The following VEPH1 variants were observed in gnomAD, a reference collection of about 807,000 sequenced individuals.
VEPH1 encodes ventricular zone-expressed PH domain-containing protein homolog 1.
Under a neutral mutation model 85.2 loss-of-function variants are expected in VEPH1, and 80 were observed. The ratio of observed to expected loss-of-function variants is 0.94; its 90% confidence interval spans 0.78 to 1.13. The LOEUF is 1.13. Ranked by LOEUF, VEPH1 falls within the 50% of genes most tolerant of loss-of-function variation. The probability of loss-of-function intolerance (pLI) is 0.00; values close to 1 mark genes in which losing one functional copy is unlikely to be tolerated. For missense variants in VEPH1, 955 were observed against 980.5 expected, an observed-to-expected ratio of 0.97 and a Z score of 0.35; for synonymous variants, 297 against 348.0, an observed-to-expected ratio of 0.85 and a Z score of 1.63.
At chr3:157,343,659 C>T (rs1723860939) in intron 9 of VEPH1, among the ~76,000 whole-genome samples, 2 of 152,224 alleles carry the variant, frequency 1.3e-5, no homozygotes, top group Non-Finnish European at 2.9e-5. Context: ...AAGAGGGAAT[C>T]TGCCCTAACT....
chr3:157,338,902 C>T (rs1312973753), intron 9 of VEPH1, among the ~76,000 whole-genome samples: 2 of 152,220 alleles, frequency 1.3e-5, no homozygotes, highest in Non-Finnish European at 2.9e-5. Flanking sequence ...CTGAACTGCA[C>T]TGCACTGTGT....
intron 3 of VEPH1, among the ~76,000 whole-genome samples, chr3:157,466,220 GT>G (rs1201238704): frequency 6.6e-6 from 1 of 152,038 alleles, no homozygotes; most frequent in African/African-American, 2.4e-5. Context: ...AAGTGGGGGG[GT>G]GGGGATGGCC....
chr3:157,268,919 T>G (rs1317561666), intron 12 of VEPH1, among the ~76,000 whole-genome samples: 1 of 149,930 alleles, frequency 6.7e-6, no homozygotes, highest in Non-Finnish European at 1.5e-5. Flanking sequence ...GGCTAATTTT[T>G]TAATATTTTT....
At chr3:157,426,640 A>T (rs1362329472) in intron 5 of VEPH1, among the ~76,000 whole-genome samples, 2 of 152,166 alleles carry the variant, frequency 1.3e-5, no homozygotes, top group African/African-American at 4.8e-5. Context: ...GCTATCTGAA[A>T]AATGAACCTT....
At chr3:157,390,997 C>T (rs1020139688) in intron 6 of VEPH1, among the ~76,000 whole-genome samples, 3 of 152,260 alleles carry the variant, frequency 2.0e-5, no homozygotes, top group Non-Finnish European at 4.4e-5. Context: ...CCAGCCACAG[C>T]CTTGCATGGA....
chr3:157,284,588 A>G (rs1441608085), intron 12 of VEPH1, among the ~76,000 whole-genome samples: 1 of 152,160 alleles, frequency 6.6e-6, no homozygotes, highest in African/African-American at 2.4e-5. Context: ...TAGATTAAAT[A>G]TATAATTTAA....
In VEPH1 at chr3:157,267,077, C is replaced by A. The variant is rs377324737; in HGVS notation, c.2129-1415G>T. ...ATAATAAAATGTATAGTTTTCTTTT[C>A]TTTTCTTTTCTTTTTCTTTTTTTTC... is the stretch of plus-strand genomic sequence containing the variant. On this transcript the variant is annotated intron_variant, in intron 12 of 13. Coordinates refer to ENST00000362010, the MANE Select transcript of VEPH1 (RefSeq NM_001167912.2). Among the ~76,000 whole-genome samples, 18 of 146,148 alleles carry A rather than the reference C, an allele frequency of 1.2e-4. No individual in the cohort carries two copies. In the East Asian group the frequency reaches 3.6e-3, roughly 30 times the overall value.
intron 3 of VEPH1, among the ~76,000 whole-genome samples, chr3:157,464,320 AAGG>A (rs1339743642): frequency 2.0e-5 from 3 of 152,220 alleles, no homozygotes; most frequent in Non-Finnish European, 4.4e-5. Context: ...GGAGTTGGTA[AAGG>A]AGGAGATCTC....
intron 9 of VEPH1, among the ~76,000 whole-genome samples, chr3:157,359,752 A>T (rs1028863536): frequency 2.6e-5 from 4 of 152,228 alleles, no homozygotes; most frequent in Non-Finnish European, 4.4e-5. Context: ...CTGAAGTATT[A>T]TGTGGAACCA....
chr3:157,457,128 G>A (rs1263069107), intron 4 of VEPH1, among the ~76,000 whole-genome samples: 1 of 151,608 alleles, frequency 6.6e-6, no homozygotes, highest in Non-Finnish European at 1.5e-5. Flanking sequence ...TTATTTGTAT[G>A]TGTGTGTGGC....
intron 7 of VEPH1, among the ~76,000 whole-genome samples, chr3:157,374,863 A>T (rs1321729343): frequency 6.6e-6 from 1 of 152,252 alleles, no homozygotes; most frequent in Non-Finnish European, 1.5e-5. Flanking sequence ...TACCCTTGAC[A>T]TTCCTTTAAT....
At chr3:157,384,653 G>A (rs147883694) in intron 6 of VEPH1, among the ~76,000 whole-genome samples, 23 of 152,276 alleles carry the variant, frequency 1.5e-4, no homozygotes, top group Non-Finnish European at 2.6e-4. Context: ...ATTAATCACA[G>A]TGCAGGAACA....
chr3:157,421,244 G>T (rs1732310993), intron 5 of VEPH1, among the ~76,000 whole-genome samples: 1 of 152,134 alleles, frequency 6.6e-6, no homozygotes, highest in South Asian at 2.1e-4. Flanking sequence ...TTTATGTAGA[G>T]AATTTTTTTT....
intron 3 of VEPH1, among the ~76,000 whole-genome samples, chr3:157,461,574 C>T (rs918063898): frequency 6.6e-6 from 1 of 152,140 alleles, no homozygotes; most frequent in East Asian, 1.9e-4. Flanking sequence ...AAAGAGAAAA[C>T]TATATTCTTA....
chr3:157,273,902 A>G (rs1404716853), intron 12 of VEPH1, among the ~76,000 whole-genome samples: 1 of 152,214 alleles, frequency 6.6e-6, no homozygotes, highest in Non-Finnish European at 1.5e-5. Context: ...TTTACTCTTT[A>G]TTATAATAGA....
At chr3:157,360,008 T>C (rs995971568) in intron 9 of VEPH1, among the ~76,000 whole-genome samples, 1 of 152,194 alleles carries the variant, frequency 6.6e-6, no homozygotes, top group Non-Finnish European at 1.5e-5. Context: ...TTGACTACTA[T>C]GCATAATTCA....
intron 9 of VEPH1, among the ~76,000 whole-genome samples, chr3:157,326,360 A>G (rs1721905221): frequency 6.6e-6 from 1 of 152,206 alleles, no homozygotes; most frequent in Non-Finnish European, 1.5e-5. Flanking sequence ...GAATGGTGAT[A>G]GAGTAGATAT....
At chr3:157,384,793 A>G (rs920988467) in intron 6 of VEPH1, among the ~76,000 whole-genome samples, 1 of 152,156 alleles carries the variant, frequency 6.6e-6, no homozygotes, top group Non-Finnish European at 1.5e-5. Context: ...TAGAAAGTGT[A>G]ATATTAGGGC....
intron 9 of VEPH1, among the ~76,000 whole-genome samples, chr3:157,341,139 C>T (rs1723507418): frequency 6.6e-6 from 1 of 152,242 alleles, no homozygotes. Flanking sequence ...CAAAGGAACA[C>T]AGCTCCTCAC....
Sources: gnomAD v4.1 joint callset for allele counts (sites outside exome capture counted in the v4.1 genomes callset) on GRCh38, gnomAD v4.1.1 for gene constraint, MANE v1.5 for transcripts, NCBI Gene and HGNC (gene_info 2026-07-23, HGNC 2026-07-21) for gene names.